RGSL1: variants seen among roughly 807,000 people sequenced by gnomAD.
The protein encoded by RGSL1 is regulator of G protein signaling like 1.
A neutral mutation model predicts 124.7 loss-of-function variants in RGSL1; 97 were observed. The observed-to-expected ratio is 0.78, with a 90% CI of 0.66 to 0.92. RGSL1 has a LOEUF of 0.92. RGSL1 is among the 40% of genes least tolerant of loss of function. The pLI, the probability that RGSL1 is intolerant of heterozygous loss-of-function variation, is 0.00. For synonymous variants in RGSL1, 424 were observed against 438.1 expected (o/e 0.97, Z 0.40); for missense variants, 1,233 against 1,288.4 (o/e 0.96, Z 0.66).
chr1:182,469,379 GA>G (rs1348408727), intron 4 of RGSL1, among the ~76,000 whole-genome samples: 3 of 152,084 alleles, frequency 2.0e-5, no homozygotes, highest in African/African-American at 7.2e-5. Context: ...TTCCTCCAAA[GA>G]AGATATACAG....
chr1:182,558,304 G>C (rs80261686), intron 21 of RGSL1, among the ~76,000 whole-genome samples: 9 of 152,090 alleles, frequency 5.9e-5, no homozygotes, highest in Non-Finnish European at 5.9e-5. Flanking sequence ...GGCCACTGCC[G>C]TCTAAGGAAA....
At chr1:182,492,777 C>T (rs944856313) in intron 8 of RGSL1, among the ~76,000 whole-genome samples, 3 of 151,912 alleles carry the variant, frequency 2.0e-5, no homozygotes, top group Admixed American at 6.6e-5. Flanking sequence ...CACAGGCGCC[C>T]GCCACCATAC....
chr1:182,501,699 G>T (rs560772487), intron 9 of RGSL1, among the ~76,000 whole-genome samples: 53 of 152,028 alleles, frequency 3.5e-4, no homozygotes, highest in Non-Finnish European at 4.0e-4. Flanking sequence ...ATATCCATAA[G>T]GAATGTTGGT....
intron 21 of RGSL1, among the ~76,000 whole-genome samples, chr1:182,557,056 T>G (rs1034423091): frequency 6.6e-6 from 1 of 152,196 alleles, no homozygotes; most frequent in African/African-American, 2.4e-5. Context: ...GCAGAACTCA[T>G]GAACACCTGA....
Position 182,474,247 on chromosome 1 carries a change from G to A in RGSL1, c.1136G>A (p.Cys379Tyr). ...CACTTGGCCTTGTGTGCTGATGCCT[G>A]TGCAGGGAACCCTTTCCGGGACCAC... ...YIHLALCADACAGNPFRDHLK... is the reference protein window; with the variant it reads ...YIHLALCADAYAGNPFRDHLK... Residue 379 changes from cysteine (C) to tyrosine (Y), a missense_variant, in exon 6 of 22, where the codon TGT becomes TAT. Transcript: ENST00000294854. The A allele has an allele frequency of 6.4e-7, 1 of 1,551,878 alleles. No individual in the cohort carries two copies. Among genetic ancestry groups the A allele is most frequent in the Non-Finnish European group, 8.7e-7 (1 of 1,147,018 alleles).
rs555723939 is a variant in RGSL1 at position 182,453,152 on chromosome 1, G to A, written c.14-806G>A. ...CTTCTTGAATTAACTTGGGCAGCAC[G>A]ATGATCACACCTGAGAGAAGTAATA... On this transcript the variant is annotated intron_variant, in intron 1 of 21. Coordinates refer to ENST00000294854, the MANE Select transcript of RGSL1 (RefSeq NM_001137669.2). Among the ~76,000 whole-genome samples the A allele has an allele frequency of 8.0e-4, 122 of 152,252 alleles. 1 individual carries two copies. The highest frequency in any genetic ancestry group is 2.8e-3 in the African/African-American group (116 of 41,540).
chr1:182,537,026 A>G (rs1659594048), intron 14 of RGSL1, among the ~76,000 whole-genome samples: 2 of 152,190 alleles, frequency 1.3e-5, no homozygotes, highest in African/African-American at 4.8e-5. Context: ...TTGGGTTATA[A>G]GAATTCTTTA....
Position 182,481,206 on chromosome 1 carries a change from G to C in RGSL1, c.1431+6664G>C, listed in dbSNP as rs977315399. On this transcript the variant is annotated intron_variant, in intron 6 of 21. Coordinates refer to ENST00000294854, the MANE Select transcript of RGSL1 (RefSeq NM_001137669.2). ...AATGAAACCAACAAATCCTTAGCTA[G>C]GCTTAAAAAAAAGAGAGAGAAGTTT... Among the ~76,000 whole-genome samples, 4 of 145,232 alleles carry C rather than the reference G, an allele frequency of 2.8e-5. No individual in the cohort carries two copies. In the East Asian group the frequency reaches 9.1e-4, roughly 33 times the overall value.
At chr1:182,469,562 T>A (rs923506536) in intron 4 of RGSL1, among the ~76,000 whole-genome samples, 1 of 152,180 alleles carries the variant, frequency 6.6e-6, no homozygotes, top group East Asian at 1.9e-4. Context: ...TTGGCGGGAC[T>A]GTAAAATGGT....
At chr1:182,504,278 G>A (rs1405639683) in intron 9 of RGSL1, among the ~76,000 whole-genome samples, 1 of 151,794 alleles carries the variant, frequency 6.6e-6, no homozygotes, top group Non-Finnish European at 1.5e-5. Context: ...CACCATGCCC[G>A]GCCAGTTTCT....
chr1:182,501,390 C>T (rs1489239382), intron 9 of RGSL1, among the ~76,000 whole-genome samples: 2 of 123,434 alleles, frequency 1.6e-5, no homozygotes, highest in Non-Finnish European at 3.2e-5. Flanking sequence ...TGCATCTTGG[C>T]TCACTGCAAT....
chr1:182,554,666 C>A lies in RGSL1; in HGVS notation c.3170C>A (p.Ser1057Tyr). The A allele has an allele frequency of 6.4e-7, 1 of 1,551,716 alleles. No individual in the cohort carries two copies. The highest frequency in any genetic ancestry group is 8.7e-7 in the Non-Finnish European group (1 of 1,147,000). Reference protein sequence around the residue: ...SKLTQPRLVVSAMQLHPVQGQ... With the variant: ...SKLTQPRLVVYAMQLHPVQGQ... ...CTTACTCAGCCAAGACTCGTGGTATCTGCCATGCAGCTGCATCCCGTCCAG... is the reference window on the plus strand; with the variant it reads ...CTTACTCAGCCAAGACTCGTGGTATATGCCATGCAGCTGCATCCCGTCCAG... The change falls in exon 20 of 22, where the codon TCT becomes TAT. Residue 1057 changes from serine to tyrosine, a missense_variant. Physicochemically the swap from Ser to Tyr is moderately radical, Grantham distance 144. Coordinates refer to ENST00000294854, the MANE Select transcript of RGSL1 (RefSeq NM_001137669.2).
chr1:182,495,734 T>G (rs1285958946), intron 9 of RGSL1, among the ~76,000 whole-genome samples: 2 of 152,138 alleles, frequency 1.3e-5, no homozygotes, highest in African/African-American at 4.8e-5. Context: ...CAGGTTCAGC[T>G]TTTTTCCTCT....
intron 15 of RGSL1, among the ~76,000 whole-genome samples, chr1:182,541,867 T>C (rs1659913728): frequency 6.6e-6 from 1 of 152,212 alleles, no homozygotes. Context: ...TGGGCATTTG[T>C]ATATCTTCCT....
chr1:182,537,803 C>T (rs1327806162), intron 14 of RGSL1, among the ~76,000 whole-genome samples: 5 of 152,070 alleles, frequency 3.3e-5, no homozygotes, highest in Admixed American at 2.0e-4. Context: ...CTTTCAGATC[C>T]CCTACCCTCA....
intron 7 of RGSL1, 137 bp downstream of exon 7, chr1:182,488,484 C>T (rs773456128): frequency 4.1e-5 from 34 of 835,788 alleles, no homozygotes; most frequent in Non-Finnish European, 5.7e-5. Context: ...TCAGCATGGT[C>T]CCTGTTGTTC....
intron 15 of RGSL1, among the ~76,000 whole-genome samples, chr1:182,546,284 T>G (rs1226880769): frequency 1.3e-5 from 2 of 152,216 alleles, no homozygotes; most frequent in African/African-American, 2.4e-5. Flanking sequence ...TTTTTATTTC[T>G]TTAAAGTGGA....
chr1:182,545,646 C>T lies in RGSL1; in HGVS notation c.2670-2671C>T, dbSNP rs145124384. Among the ~76,000 whole-genome samples, 8 of 152,260 alleles carry T rather than the reference C, an allele frequency of 5.3e-5. No homozygotes were observed. In the East Asian group the frequency reaches 1.4e-3, roughly 26 times the overall value. On this transcript the variant is annotated intron_variant, in intron 15 of 21. Transcript: ENST00000294854. Reference sequence around the variant, plus strand: ...TGTCTAGGAAAGGCTCTCTCTCCTTCACAGTTGAAGGATAGCTTTGCTAGA... The same window carrying T: ...TGTCTAGGAAAGGCTCTCTCTCCTTTACAGTTGAAGGATAGCTTTGCTAGA...
intron 14 of RGSL1, among the ~76,000 whole-genome samples, chr1:182,537,198 A>G (rs1212693516): frequency 6.6e-6 from 1 of 152,150 alleles, no homozygotes; most frequent in Non-Finnish European, 1.5e-5. Context: ...CAAATAGAAA[A>G]TTTCACACCT....
Sources: allele counts gnomAD v4.1 joint callset (sites outside exome capture counted in the v4.1 genomes callset), GRCh38; gene constraint gnomAD v4.1.1; transcripts MANE v1.5; gene names NCBI Gene and HGNC (gene_info 2026-07-23, HGNC 2026-07-21).